ROBO2: variants seen among roughly 807,000 people sequenced by gnomAD.
ROBO2 encodes the protein roundabout guidance receptor 2, also known as roundabout homolog 2.
In ROBO2, 53 loss-of-function variants were observed where a neutral mutation model predicts 160.8. That is an observed-to-expected ratio of 0.33 (90% CI 0.26 to 0.41). The LOEUF is 0.41. ROBO2 is among the 10% of genes least tolerant of loss of function. ROBO2 has a pLI of 1.00. For synonymous variants in ROBO2, 664 were observed against 611.7 expected (o/e 1.09, Z -1.26); for missense variants, 1,577 against 1,722.4 (o/e 0.92, Z 1.49).
At chr3:76,027,191 C>T (rs1336772578) in intron 2 of ROBO2, among the ~76,000 whole-genome samples, 1 of 151,880 alleles carries the variant, frequency 6.6e-6, no homozygotes, top group African/African-American at 2.4e-5. Flanking sequence ...TCTGTAACAG[C>T]ATAAGCTGTT....
At chr3:77,168,567 A>G (rs1269808335) in intron 2 of ROBO2, among the ~76,000 whole-genome samples, 5 of 152,136 alleles carry the variant, frequency 3.3e-5, no homozygotes, top group Non-Finnish European at 7.4e-5. Flanking sequence ...TTACATGTTT[A>G]TATTCTATTA....
intron 2 of ROBO2, among the ~76,000 whole-genome samples, chr3:77,270,680 C>T (rs1020871330): frequency 2.0e-5 from 3 of 152,104 alleles, no homozygotes; most frequent in Non-Finnish European, 2.9e-5. Context: ...TGCAGTAGCT[C>T]ACACCTGTAA....
intron 2 of ROBO2, among the ~76,000 whole-genome samples, chr3:76,584,322 A>G (rs962256515): frequency 4.0e-5 from 5 of 125,700 alleles, no homozygotes; most frequent in African/African-American, 1.3e-4. Context: ...ACTTCAATAT[A>G]TGATTCCCCC....
chr3:76,075,472 A>T (rs370654456), intron 2 of ROBO2, among the ~76,000 whole-genome samples: 50 of 143,486 alleles, frequency 3.5e-4, no homozygotes, highest in African/African-American at 4.4e-4. Context: ...GACTTTTCCT[A>T]TTTTTTTTTT....
chr3:76,864,838 T>C (rs577806492), intron 2 of ROBO2, among the ~76,000 whole-genome samples: 5 of 152,162 alleles, frequency 3.3e-5, no homozygotes, highest in African/African-American at 1.2e-4. Flanking sequence ...ATCTAAGCTG[T>C]AAAAGTTAGC....
At chr3:76,452,273 C>T (rs1440336042) in intron 2 of ROBO2, among the ~76,000 whole-genome samples, 2 of 151,896 alleles carry the variant, frequency 1.3e-5, no homozygotes, top group Non-Finnish European at 2.9e-5. Flanking sequence ...GTGTGCTGCA[C>T]CAATTAACTC....
At chr3:77,050,559 C>T (rs1327612364) in intron 1 of ROBO2, among the ~76,000 whole-genome samples, 3 of 117,650 alleles carry the variant, frequency 2.5e-5, no homozygotes, top group African/African-American at 9.3e-5. Context: ...TCAGTCTTTG[C>T]TTTTGTGTGT....
At chr3:76,653,839 C>G (rs191169361) in intron 2 of ROBO2, among the ~76,000 whole-genome samples, 3 of 152,224 alleles carry the variant, frequency 2.0e-5, no homozygotes, top group East Asian at 1.9e-4. Context: ...ACACTGACCT[C>G]CATTCAATTA....
chr3:75,912,772 A>T (rs1041797835), intron 1 of ROBO2, among the ~76,000 whole-genome samples: 1 of 152,210 alleles, frequency 6.6e-6, no homozygotes, highest in Non-Finnish European at 1.5e-5. Flanking sequence ...TACAGCAATA[A>T]TATGATTGAA....
At chr3:77,519,669 A>C (rs1432458824) in intron 5 of ROBO2, among the ~76,000 whole-genome samples, 2 of 151,364 alleles carry the variant, frequency 1.3e-5, no homozygotes, top group African/African-American at 2.4e-5. Context: ...TTCTTTATTC[A>C]ATCCACTGTT....
chr3:76,112,978 G>A (rs900811683), intron 2 of ROBO2, among the ~76,000 whole-genome samples: 2 of 151,990 alleles, frequency 1.3e-5, no homozygotes, highest in African/African-American at 2.4e-5. Flanking sequence ...GAAATTTCCT[G>A]TTGAATAAAT....
At chr3:77,352,726 C>T (rs1465698985) in intron 2 of ROBO2, among the ~76,000 whole-genome samples, 1 of 152,116 alleles carries the variant, frequency 6.6e-6, no homozygotes, top group Non-Finnish European at 1.5e-5. Flanking sequence ...ACCTTAGCAA[C>T]ATCAAAGTCA....
At chr3:76,234,871 T>C (rs984575404) in intron 2 of ROBO2, among the ~76,000 whole-genome samples, 4 of 152,114 alleles carry the variant, frequency 2.6e-5, no homozygotes, top group Non-Finnish European at 5.9e-5. Context: ...GAAAACTCAT[T>C]TCCTAGTTGA....
intron 2 of ROBO2, among the ~76,000 whole-genome samples, chr3:76,149,116 C>G (rs1276726398): frequency 1.3e-5 from 2 of 151,874 alleles, no homozygotes; most frequent in African/African-American, 4.8e-5. Flanking sequence ...AAAACTGATT[C>G]CTTTAATTTT....
At chr3:76,708,174 C>A (rs945592308) in intron 2 of ROBO2, among the ~76,000 whole-genome samples, 8 of 152,084 alleles carry the variant, frequency 5.3e-5, no homozygotes, top group African/African-American at 1.9e-4. Flanking sequence ...ACCCACTTTC[C>A]AGTTTTCTTT....
At chr3:77,447,420 C>T (rs564764069) in intron 2 of ROBO2, among the ~76,000 whole-genome samples, 1 of 152,000 alleles carries the variant, frequency 6.6e-6, no homozygotes, top group South Asian at 2.1e-4. Context: ...CTGTTAAATT[C>T]TGAGAACACT....
intron 2 of ROBO2, among the ~76,000 whole-genome samples, chr3:77,397,724 G>A (rs1363484935): frequency 6.6e-6 from 1 of 152,064 alleles, no homozygotes; most frequent in East Asian, 1.9e-4. Context: ...ACAAATTGGT[G>A]TATAAATTGC....
At chr3:76,593,857 G>A (rs1234319948) in intron 2 of ROBO2, among the ~76,000 whole-genome samples, 1 of 151,742 alleles carries the variant, frequency 6.6e-6, no homozygotes, top group African/African-American at 2.4e-5. Flanking sequence ...GGTATATAGT[G>A]GCAGCTATTA....
At chr3:77,523,062 T>C (rs1348780027) in intron 6 of ROBO2, among the ~76,000 whole-genome samples, 160 bp downstream of exon 6, 1 of 151,388 alleles carries the variant, frequency 6.6e-6, no homozygotes, top group Non-Finnish European at 1.5e-5. Flanking sequence ...TAAAATTACT[T>C]TCAATATTTG....
Sources: gnomAD v4.1 joint callset for allele counts (sites outside exome capture counted in the v4.1 genomes callset) on GRCh38, gnomAD v4.1.1 for gene constraint, MANE v1.5 for transcripts, NCBI Gene and HGNC (gene_info 2026-07-23, HGNC 2026-07-21) for gene names.